The following NFIA variants were observed in gnomAD, a reference collection of about 807,000 sequenced individuals.
NFIA encodes nuclear factor 1 A-type.
In NFIA, 8 loss-of-function variants were observed where a neutral mutation model predicts 62.8. That is an observed-to-expected ratio of 0.13 (90% CI 0.07 to 0.23). The LOEUF is 0.23. Ranked by LOEUF, NFIA falls within the 10% of genes least tolerant of loss-of-function variation. The pLI is 1.00. For missense variants in NFIA, 410 were observed against 642.1 expected, an observed-to-expected ratio of 0.64 and a Z score of 3.91; for synonymous variants, 235 against 238.1, an observed-to-expected ratio of 0.99 and a Z score of 0.12.
chr1:61,194,348 A>G (rs1340172145), intron 2 of NFIA, among the ~76,000 whole-genome samples: 3 of 152,178 alleles, frequency 2.0e-5, no homozygotes, highest in Non-Finnish European at 2.9e-5. Flanking sequence ...GAAAGACACC[A>G]TGTCTCAGAT....
At chr1:61,387,317 A>G (rs1664742736) in intron 7 of NFIA, among the ~76,000 whole-genome samples, 1 of 152,166 alleles carries the variant, frequency 6.6e-6, no homozygotes, top group Non-Finnish European at 1.5e-5. Flanking sequence ...ATGTATTTGT[A>G]GTCATTTGCA....
intron 7 of NFIA, 139 bp downstream of exon 7, chr1:61,383,504 C>T (rs1664528162): frequency 1.2e-5 from 14 of 1,136,014 alleles, no homozygotes; most frequent in Non-Finnish European, 1.7e-5. Flanking sequence ...TTGGGGGCAG[C>T]CTTGGAATTT....
intron 10 of NFIA, among the ~76,000 whole-genome samples, chr1:61,431,981 G>A (rs1018986973): frequency 6.6e-5 from 10 of 152,158 alleles, no homozygotes; most frequent in South Asian, 2.1e-4. Context: ...AACTCTCCTC[G>A]AGTTGTTCAA....
chr1:61,394,469 G>A (rs933690611), intron 7 of NFIA, among the ~76,000 whole-genome samples: 1 of 152,130 alleles, frequency 6.6e-6, no homozygotes, highest in Non-Finnish European at 1.5e-5. Context: ...CACCATGCCT[G>A]ACCAATTGCT....
chr1:61,357,264 C>T (rs775366911), intron 5 of NFIA, among the ~76,000 whole-genome samples: 2 of 152,212 alleles, frequency 1.3e-5, no homozygotes, highest in Non-Finnish European at 2.9e-5. Flanking sequence ...CATGAGCATA[C>T]CAATTAGAAC....
chr1:61,417,660 A>T (rs1277874961), intron 9 of NFIA, among the ~76,000 whole-genome samples: 2 of 152,064 alleles, frequency 1.3e-5, no homozygotes, highest in African/African-American at 2.4e-5. Context: ...TTAACCCTTG[A>T]GAAGTTTGGG....
At chr1:61,116,510 G>A (rs910990674) in intron 2 of NFIA, among the ~76,000 whole-genome samples, 4 of 151,984 alleles carry the variant, frequency 2.6e-5, no homozygotes, top group Non-Finnish European at 5.9e-5. Context: ...GTTTTTTGAT[G>A]CAGTACTGCC....
Position 61,082,678 on chromosome 1 carries a change from C to G in NFIA, c.-114C>G, listed in dbSNP as rs1646132080. The G allele has an allele frequency of 6.8e-7, 1 of 1,470,884 alleles. No homozygotes were observed. Among genetic ancestry groups the G allele is most frequent in the Non-Finnish European group, 9.2e-7 (1 of 1,091,594 alleles). The allele number at this position is 1,470,884 out of a possible 1,614,324, so 91.1% of individuals were successfully genotyped here. A position where few individuals can be genotyped will look rare whatever the true frequency, so the allele number is the denominator to read the frequency against. The stretch of plus-strand genomic sequence containing the variant: ...GATTTTTTTTTCTCCCCCCTTCTCT[C>G]TCTCTCTCTCTCTCTCTCTTCCTCT... On this transcript the variant is annotated 5_prime_UTR_variant, in exon 1 of 11. Transcript: ENST00000403491.
intron 2 of NFIA, among the ~76,000 whole-genome samples, chr1:61,218,944 C>G (rs963488532): frequency 6.6e-5 from 10 of 152,128 alleles, no homozygotes; most frequent in Admixed American, 5.9e-4. Context: ...AGAAATTGAT[C>G]AACTCAGCCA....
At chr1:61,399,515 AT>A (rs927539498) in intron 7 of NFIA, among the ~76,000 whole-genome samples, 64 of 152,248 alleles carry the variant, frequency 4.2e-4, no homozygotes, top group African/African-American at 1.5e-3. Flanking sequence ...GAATAAAACA[AT>A]TAAGGCAATG....
chr1:61,245,379 A>G lies in NFIA; in HGVS notation c.560-32141A>G, dbSNP rs1038254258. Among the ~76,000 whole-genome samples the G allele has an allele frequency of 2.0e-5, 3 of 152,190 alleles. 1 individual carries two copies. The highest frequency in any genetic ancestry group is 1.3e-4 in the Admixed American group (2 of 15,278). ...AATATAAAGTAAATTTTCAAAGTTCAAAGTCCTAACTATAGGCAACAAAAT... is the reference window on the plus strand; with the variant it reads ...AATATAAAGTAAATTTTCAAAGTTCGAAGTCCTAACTATAGGCAACAAAAT... On this transcript the variant is annotated intron_variant, in intron 2 of 10. Coordinates refer to ENST00000403491, the MANE Select transcript of NFIA (RefSeq NM_001134673.4).
chr1:61,228,809 G>C (rs530733744), intron 2 of NFIA, among the ~76,000 whole-genome samples: 4 of 151,916 alleles, frequency 2.6e-5, no homozygotes, highest in Non-Finnish European at 5.9e-5. Context: ...AGCTTTCTTC[G>C]TTAGGCAGCC....
intron 2 of NFIA, among the ~76,000 whole-genome samples, chr1:61,152,415 T>C (rs543854661): frequency 6.6e-6 from 1 of 152,318 alleles, no homozygotes; most frequent in African/African-American, 2.4e-5. Flanking sequence ...TGTAAAACTT[T>C]ACCTCATTGA....
Position 61,095,594 on chromosome 1 carries a change from C to G in NFIA, c.559+6914C>G, listed in dbSNP as rs982844344. On this transcript the variant is annotated intron_variant, in intron 2 of 10. Transcript: ENST00000403491. Reference sequence around the variant, plus strand: ...CCCTCCCATTGAGATATTTCACTGTCAAATTCAGATGTTAGCCACAGAATG... The same window carrying G: ...CCCTCCCATTGAGATATTTCACTGTGAAATTCAGATGTTAGCCACAGAATG... Among the ~76,000 whole-genome samples, 4 of 152,250 alleles carry G rather than the reference C, an allele frequency of 2.6e-5. No homozygotes were observed. In the East Asian group the frequency reaches 5.8e-4, roughly 22 times the overall value.
intron 2 of NFIA, among the ~76,000 whole-genome samples, chr1:61,107,678 A>G (rs1234808000): frequency 1.3e-5 from 2 of 151,778 alleles, no homozygotes; most frequent in Admixed American, 1.3e-4. Context: ...ATTTTAATAC[A>G]GTAAAATTTA....
intron 6 of NFIA, among the ~76,000 whole-genome samples, chr1:61,372,665 C>T (rs999059155): frequency 1.3e-5 from 2 of 151,118 alleles, no homozygotes; most frequent in African/African-American, 4.9e-5. Context: ...ACAGTTATTT[C>T]CCTTTTTATT....
rs376477577 is a variant in NFIA at position 61,258,383 on chromosome 1, C to T, written c.560-19137C>T. The stretch of plus-strand genomic sequence containing the variant: ...GTTTCTAGACCCATCTTTTTAAATG[C>T]GTGCTACAATGAAAACCAAAAGGAC... On this transcript the variant is annotated intron_variant, in intron 2 of 10. Transcript: ENST00000403491. 1.1e-3 allele frequency among the ~76,000 whole-genome samples: 162 copies of T among 152,262 alleles called. 3 individuals are homozygous for T. Among genetic ancestry groups the T allele is most frequent in the South Asian group, 1.2e-3 (6 of 4,820 alleles).
At chr1:61,338,998 T>C (rs1424663797) in intron 4 of NFIA, among the ~76,000 whole-genome samples, 7 of 152,136 alleles carry the variant, frequency 4.6e-5, no homozygotes, top group Admixed American at 2.0e-4. Flanking sequence ...AAAAAGAATA[T>C]AATAAAAAAT....
intron 7 of NFIA, among the ~76,000 whole-genome samples, chr1:61,396,601 A>G (rs1170745719): frequency 6.6e-6 from 1 of 152,142 alleles, no homozygotes; most frequent in Admixed American, 6.5e-5. Flanking sequence ...CAAACTCCCA[A>G]TAACTAACAC....
Sources: allele counts gnomAD v4.1 joint callset (sites outside exome capture counted in the v4.1 genomes callset), GRCh38; gene constraint gnomAD v4.1.1; transcripts MANE v1.5; gene names NCBI Gene and HGNC (gene_info 2026-07-23, HGNC 2026-07-21).